IPO8: variants seen among roughly 807,000 people sequenced by gnomAD.
IPO8 encodes importin 8, also known as importin-8.
A neutral mutation model predicts 141.2 loss-of-function variants in IPO8; 65 were observed. The observed-to-expected ratio is 0.46, with a 90% CI of 0.38 to 0.57. IPO8 has a LOEUF of 0.57. Among genes scored for constraint, IPO8 ranks in the 20% least tolerant of loss-of-function variants. IPO8 has a pLI of 0.00. For synonymous variants in IPO8, 411 were observed against 420.3 expected (o/e 0.98, Z 0.27); for missense variants, 980 against 1,246.8 (o/e 0.79, Z 3.22).
chr12:30,667,844 G>T (rs974077446), intron 10 of IPO8, among the ~76,000 whole-genome samples: 3 of 152,110 alleles, frequency 2.0e-5, no homozygotes, highest in Non-Finnish European at 2.9e-5. Context: ...CAAATACTCT[G>T]TACATCACAA....
intron 17 of IPO8, 30 bp downstream of exon 17, chr12:30,656,654 T>C (rs2052804857): frequency 3.6e-6 from 5 of 1,393,182 alleles, no homozygotes; most frequent in African/African-American, 1.5e-5. Context: ...ATTTTTTCAA[T>C]TTATCTTTTT....
At position 30,630,933 on chromosome 12, in the gene IPO8, T is replaced by C. The variant is rs990113202; in HGVS notation, c.3041A>G (p.Gln1014Arg). ...TTTGTTTTCAAAGGTGAAGCCTCCC[T>C]GTTGTTCAATCTTCTTCTTTGCCTC... ...VAEAKKKIEQQGGFTFENKGV... is the reference protein window; with the variant it reads ...VAEAKKKIEQRGGFTFENKGV... Residue 1014 changes from glutamine (Q) to arginine (R), a missense_variant, in exon 25 of 25, where the codon CAG becomes CGG. Gln to Arg is a conservative substitution (Grantham distance 43). This residue lies in a region of IPO8 where 924 missense variants were observed against 1,153.9 expected (regional missense o/e 0.80). Coordinates refer to ENST00000256079, the MANE Select transcript of IPO8 (RefSeq NM_006390.4). 3.7e-6 allele frequency: 6 copies of C among 1,613,452 alleles called. No homozygotes were observed. The highest frequency in any genetic ancestry group is 1.7e-5 in the Admixed American group (1 of 60,000).
chr12:30,632,564 T>C (rs2052447852), intron 23 of IPO8, among the ~76,000 whole-genome samples: 1 of 152,168 alleles, frequency 6.6e-6, no homozygotes, highest in Non-Finnish European at 1.5e-5. Context: ...TGTGCATCCT[T>C]AACATCCCTG....
intron 6 of IPO8, among the ~76,000 whole-genome samples, chr12:30,675,683 AC>A (rs1451858712): frequency 6.6e-6 from 1 of 151,200 alleles, no homozygotes; most frequent in Non-Finnish European, 1.5e-5. Flanking sequence ...AACAAAAAAA[AC>A]AAAAAAAAAA....
At chr12:30,664,644 T>C (rs138176318) in intron 13 of IPO8, among the ~76,000 whole-genome samples, 378 of 152,356 alleles carry the variant, frequency 2.5e-3, no homozygotes, top group African/African-American at 8.7e-3. Context: ...ATTGTATCAC[T>C]GCTATAAAAT....
At position 30,637,179 on chromosome 12, in the gene IPO8, T is replaced by C. The variant is rs1468912121; in HGVS notation, c.2498A>G (p.Asp833Gly). 6.2e-6 allele frequency: 10 copies of C among 1,611,412 alleles called. No individual in the cohort carries two copies. ...NDTDCFLGHH[D>G]RKMCIIGLSI... The stretch of plus-strand genomic sequence containing the variant: ...CAGTCCTATTATACACATCTTCCGG[T>C]CATGATGCCTGCAAATTTTGAAGAA... Residue 833 changes from aspartate (D) to glycine (G), a missense_variant, in exon 22 of 25, where the codon GAC becomes GGC. Around this residue, in one of 3 missense-constraint regions of IPO8, gnomAD observed 924 missense variants for 1,153.9 expected, o/e 0.80. Coordinates refer to ENST00000256079, the MANE Select transcript of IPO8 (RefSeq NM_006390.4).
intron 10 of IPO8, among the ~76,000 whole-genome samples, chr12:30,668,258 C>T (rs2052996420): frequency 6.6e-6 from 1 of 152,166 alleles, no homozygotes; most frequent in African/African-American, 2.4e-5. Flanking sequence ...AAAACAGGAT[C>T]CTCACTTACT....
chr12:30,665,172 T>C (rs1164482120), intron 13 of IPO8, 48 bp downstream of exon 13: 2 of 1,047,970 alleles, frequency 1.9e-6, no homozygotes, highest in East Asian at 2.4e-5. Flanking sequence ...ATTTGAATAA[T>C]TATCTTATGA....
chr12:30,648,219 T>C (rs2052675162), intron 20 of IPO8, among the ~76,000 whole-genome samples: 1 of 152,224 alleles, frequency 6.6e-6, no homozygotes, highest in Non-Finnish European at 1.5e-5. Context: ...GATTTAACTA[T>C]ACAATGAAAT....
At chr12:30,676,620 T>C in intron 5 of IPO8, 33 bp from the exon 6 acceptor site, 1 of 1,459,534 alleles carries the variant, frequency 6.9e-7, no homozygotes, top group Non-Finnish European at 9.6e-7. Context: ...GAACAGTAAT[T>C]CCTCCCATCC....
chr12:30,672,906 A>G (rs1191811864), intron 8 of IPO8, among the ~76,000 whole-genome samples: 1 of 152,146 alleles, frequency 6.6e-6, no homozygotes, highest in Admixed American at 6.5e-5. Context: ...CCATCTCAAG[A>G]CAACAGGTTC....
At position 30,674,084 on chromosome 12, in the gene IPO8, C is replaced by T; in HGVS notation, c.825-10G>A. 1 of 1,504,610 alleles carries T rather than the reference C, an allele frequency of 6.6e-7. No homozygotes were observed. Among genetic ancestry groups the T allele is most frequent in the Non-Finnish European group, 9.2e-7 (1 of 1,089,248 alleles). The allele number at this position is 1,504,610 out of a possible 1,614,324, so 93.2% of individuals were successfully genotyped here. On this transcript the variant is annotated splice_polypyrimidine_tract_variant and intron_variant, in intron 7 of 24. Transcript: ENST00000256079. ...TCCTGGGCTTCCATATCTTAAAATA[C>T]AAAGAGAAAATGTACAAATACCGTG...
chr12:30,692,799 G>A (rs2053303443), intron 1 of IPO8, among the ~76,000 whole-genome samples: 1 of 151,962 alleles, frequency 6.6e-6, no homozygotes, highest in Non-Finnish European at 1.5e-5. Flanking sequence ...TCTTTGCCTG[G>A]CCCATTCCTT....
chr12:30,687,793 T>A (rs148452822), intron 2 of IPO8, among the ~76,000 whole-genome samples: 2 of 152,246 alleles, frequency 1.3e-5, no homozygotes, highest in African/African-American at 4.8e-5. Flanking sequence ...CTGACGTCAA[T>A]CTTAACAAAT....
intron 20 of IPO8, among the ~76,000 whole-genome samples, chr12:30,647,889 C>T (rs995980589): frequency 1.3e-5 from 2 of 152,124 alleles, no homozygotes; most frequent in Non-Finnish European, 2.9e-5. Context: ...GAAACATGCT[C>T]AAGATCATTA....
chr12:30,654,991 T>C (rs1225469503), intron 17 of IPO8, among the ~76,000 whole-genome samples: 1 of 151,982 alleles, frequency 6.6e-6, no homozygotes, highest in Non-Finnish European at 1.5e-5. Flanking sequence ...AAATGTGGTA[T>C]ATATACATGA....
At chr12:30,664,311 C>T (rs1464716971) in intron 13 of IPO8, among the ~76,000 whole-genome samples, 2 of 152,074 alleles carry the variant, frequency 1.3e-5, no homozygotes, top group African/African-American at 2.4e-5. Flanking sequence ...CCAGATATTG[C>T]GCTAGTAACT....
intron 23 of IPO8, among the ~76,000 whole-genome samples, chr12:30,632,900 C>A (rs1163911021): frequency 6.6e-6 from 1 of 152,232 alleles, no homozygotes; most frequent in African/African-American, 2.4e-5. Flanking sequence ...CAACTGCGTT[C>A]CTTCACAGTC....
chr12:30,677,373 T>C (rs372518307), intron 5 of IPO8: 5 of 337,870 alleles, frequency 1.5e-5, no homozygotes, highest in Admixed American at 4.0e-5. Flanking sequence ...ACCTACTGAA[T>C]TGCCAGCTGT....
Sources: allele counts gnomAD v4.1 joint callset (sites outside exome capture counted in the v4.1 genomes callset), GRCh38; gene constraint gnomAD v4.1.1; regional missense constraint gnomAD v4.1.1; transcripts MANE v1.5; gene names NCBI Gene and HGNC (gene_info 2026-07-23, HGNC 2026-07-21).